NRG3: variants seen among roughly 807,000 people sequenced by gnomAD.
The protein encoded by NRG3 is neuregulin 3, also known as pro-neuregulin-3, membrane-bound isoform.
In NRG3, 31 loss-of-function variants were observed where a neutral mutation model predicts 66.9. That is an observed-to-expected ratio of 0.46 (90% CI 0.35 to 0.63). The LOEUF is 0.63. NRG3 is among the 20% of genes least tolerant of loss of function. The pLI is 0.00. For missense variants in NRG3, 910 were observed against 878.9 expected (o/e 1.04, Z -0.45); for synonymous variants, 393 against 359.4 (o/e 1.09, Z -1.06).
intron 2 of NRG3, among the ~76,000 whole-genome samples, chr10:82,663,541 C>T (rs1316932177): frequency 6.6e-6 from 1 of 152,070 alleles, no homozygotes; most frequent in Non-Finnish European, 1.5e-5. Flanking sequence ...ATCACCAAGC[C>T]TTAGCATCAA....
intron 2 of NRG3, among the ~76,000 whole-genome samples, chr10:82,639,432 GAGACAC>G (rs2050418843): frequency 6.6e-6 from 1 of 152,132 alleles, no homozygotes; most frequent in Admixed American, 6.5e-5. Flanking sequence ...GAATTTTGGA[GAGACAC>G]AGACATTCAG....
At chr10:82,936,266 G>T (rs1848057336) in intron 4 of NRG3, among the ~76,000 whole-genome samples, 1 of 152,184 alleles carries the variant, frequency 6.6e-6, no homozygotes, top group Admixed American at 6.5e-5. Flanking sequence ...ATGTGGTTCA[G>T]CAAGACCATG....
At chr10:82,196,895 T>A (rs1000698303) in intron 1 of NRG3, among the ~76,000 whole-genome samples, 9 of 152,180 alleles carry the variant, frequency 5.9e-5, no homozygotes, top group Admixed American at 1.3e-4. Context: ...GGAATCACTC[T>A]TTCATATTTA....
At chr10:82,319,097 C>T (rs1454774574) in intron 1 of NRG3, among the ~76,000 whole-genome samples, 1 of 152,182 alleles carries the variant, frequency 6.6e-6, no homozygotes, top group East Asian at 1.9e-4. Flanking sequence ...TACTGCAACC[C>T]AGCTGCATGC....
Position 82,543,920 on chromosome 10 carries a change from T to G in NRG3, c.953+185052T>G, listed in dbSNP as rs78924362. ...GAGCCTTTTTGCAGTGCTAGGGATA[T>G]GACAACTAAGCAAAGACTTCTGAGA... On this transcript the variant is annotated intron_variant, in intron 2 of 8. Transcript: ENST00000372141. 8.4e-3 allele frequency among the ~76,000 whole-genome samples: 1,274 copies of G among 152,302 alleles called. 7 individuals carry two copies. The highest frequency in any genetic ancestry group is 0.017 in the Middle Eastern group (5 of 294).
chr10:82,926,460 GGT>G (rs1443208417), intron 4 of NRG3, among the ~76,000 whole-genome samples: 1 of 152,122 alleles, frequency 6.6e-6, no homozygotes, highest in African/African-American at 2.4e-5. Flanking sequence ...GGAATATTCT[GGT>G]GACCAAATAA....
chr10:82,657,770 C>A (rs1591050762), intron 2 of NRG3, among the ~76,000 whole-genome samples: 1 of 151,986 alleles, frequency 6.6e-6, no homozygotes, highest in South Asian at 2.1e-4. Context: ...AAGAATTTGA[C>A]AACTTTGATG....
chr10:82,874,835 A>C (rs1564591269), intron 4 of NRG3, among the ~76,000 whole-genome samples: 2 of 152,348 alleles, frequency 1.3e-5, no homozygotes, highest in East Asian at 3.9e-4. Context: ...ATAGGGCTCC[A>C]TGTTTCCTCA....
At chr10:82,589,146 T>C (rs1176997803) in intron 2 of NRG3, among the ~76,000 whole-genome samples, 4 of 152,124 alleles carry the variant, frequency 2.6e-5, no homozygotes, top group Admixed American at 2.0e-4. Flanking sequence ...CAGATCCTGC[T>C]TGGAAAATTG....
chr10:81,974,795 ACT>A (rs1231915359), intron 1 of NRG3, among the ~76,000 whole-genome samples: 9 of 152,144 alleles, frequency 5.9e-5, no homozygotes, highest in African/African-American at 2.2e-4. Context: ...ATGAGAACTA[ACT>A]CTAAGTTCCT....
intron 1 of NRG3, among the ~76,000 whole-genome samples, chr10:82,044,255 C>G (rs2347334): frequency 0.05 from 7,653 of 152,064 alleles, 647 homozygotes; most frequent in African/African-American, 0.17. Flanking sequence ...TTCCAACTCT[C>G]TCACTGTAGT....
intron 1 of NRG3, among the ~76,000 whole-genome samples, chr10:82,233,319 G>C (rs1332096164): frequency 6.6e-6 from 1 of 152,032 alleles, no homozygotes; most frequent in Non-Finnish European, 1.5e-5. Flanking sequence ...GACCCAAGAT[G>C]GCGCCACTGC....
chr10:82,356,369 A>G (rs2083778689), intron 1 of NRG3, among the ~76,000 whole-genome samples: 1 of 152,238 alleles, frequency 6.6e-6, no homozygotes, highest in African/African-American at 2.4e-5. Flanking sequence ...AAATTAAAGG[A>G]AAAGTTAACT....
At chr10:82,458,734 C>G (rs1256672317) in intron 2 of NRG3, among the ~76,000 whole-genome samples, 1 of 152,152 alleles carries the variant, frequency 6.6e-6, no homozygotes, top group Non-Finnish European at 1.5e-5. Context: ...CATGCAGCAT[C>G]AGTTTTCTAA....
chr10:82,794,206 G>C (rs962541847), intron 3 of NRG3, among the ~76,000 whole-genome samples: 1 of 152,072 alleles, frequency 6.6e-6, no homozygotes, highest in South Asian at 2.1e-4. Context: ...ATTCATAATG[G>C]CATCAATTTT....
chr10:82,683,408 T>G (rs1464489043), intron 2 of NRG3, among the ~76,000 whole-genome samples: 3 of 152,050 alleles, frequency 2.0e-5, no homozygotes, highest in Non-Finnish European at 4.4e-5. Context: ...CATCATGAAA[T>G]AAAGGAATTA....
At chr10:82,349,672 C>CGCCTT (rs2083288108) in intron 1 of NRG3, among the ~76,000 whole-genome samples, 1 of 151,924 alleles carries the variant, frequency 6.6e-6, no homozygotes, top group South Asian at 2.1e-4. Flanking sequence ...ACCTCGCTGC[C>CGCCTT]GCCTTGCAGT....
At chr10:82,553,915 C>G (rs180838925) in intron 2 of NRG3, among the ~76,000 whole-genome samples, 22 of 152,230 alleles carry the variant, frequency 1.4e-4, no homozygotes, top group African/African-American at 5.3e-4. Context: ...TGACAGTTCA[C>G]AAGACAGTTA....
At chr10:82,478,231 C>CTTTTTTTTTTTTTTTTTT (rs1210990084) in intron 2 of NRG3, among the ~76,000 whole-genome samples, 1 of 18,164 alleles carries the variant, frequency 5.5e-5, no homozygotes, top group African/African-American at 1.2e-4. Flanking sequence ...TTGTGTCACT[C>CTTTTTTTTTTTTTTTTTT]TTTTTTTTTT....
Sources: gnomAD v4.1 joint callset for allele counts (sites outside exome capture counted in the v4.1 genomes callset) on GRCh38, gnomAD v4.1.1 for gene constraint, MANE v1.5 for transcripts, NCBI Gene and HGNC (gene_info 2026-07-23, HGNC 2026-07-21) for gene names.